The following SMIM31 variants were observed in gnomAD, a reference collection of about 807,000 sequenced individuals.
SMIM31 encodes human epithelial cell program regulator.
intron 2 of SMIM31, among the ~76,000 whole-genome samples, chr4:164,787,064 A>G (rs1478773754): frequency 6.6e-6 from 1 of 152,226 alleles, no homozygotes; most frequent in Non-Finnish European, 1.5e-5. Context: ...GAGAAGTGAC[A>G]TTAAGTCCTA....
At chr4:164,797,630 A>G (rs1363580220) in intron 2 of SMIM31, among the ~76,000 whole-genome samples, 1 of 151,858 alleles carries the variant, frequency 6.6e-6, no homozygotes, top group Non-Finnish European at 1.5e-5. Context: ...TGCCCGGCCA[A>G]TTTTTGTATT....
intron 1 of SMIM31, among the ~76,000 whole-genome samples, chr4:164,761,806 C>G (rs1732654019): frequency 6.6e-6 from 1 of 151,584 alleles, no homozygotes; most frequent in Admixed American, 6.6e-5. Context: ...TGCCTGTAAT[C>G]CCATCTACTC....
intron 2 of SMIM31, among the ~76,000 whole-genome samples, chr4:164,786,755 G>A (rs1157789765): frequency 6.6e-6 from 1 of 152,200 alleles, no homozygotes; most frequent in African/African-American, 2.4e-5. Flanking sequence ...CCCAAAGGAC[G>A]TTGTCACTGC....
At chr4:164,780,681 A>C (rs1356245451) in intron 2 of SMIM31, among the ~76,000 whole-genome samples, 2 of 152,240 alleles carry the variant, frequency 1.3e-5, no homozygotes, top group Admixed American at 1.3e-4. Flanking sequence ...TATTTTTGAA[A>C]TCTCAGAAAA....
intron 2 of SMIM31, among the ~76,000 whole-genome samples, chr4:164,778,457 G>T (rs1286738808): frequency 1.3e-5 from 2 of 152,070 alleles, no homozygotes; most frequent in East Asian, 3.8e-4. Context: ...CACATTTAGG[G>T]AGTTATATGT....
At chr4:164,769,483 C>A (rs868187427) in intron 1 of SMIM31, among the ~76,000 whole-genome samples, 28 of 150,718 alleles carry the variant, frequency 1.9e-4, no homozygotes, top group African/African-American at 6.6e-4. Context: ...TCTCAGCAAA[C>A]TATCGCAAGG....
At chr4:164,772,795 G>C (rs1360942938) in intron 2 of SMIM31, among the ~76,000 whole-genome samples, 2 of 151,180 alleles carry the variant, frequency 1.3e-5, no homozygotes, top group Non-Finnish European at 3.0e-5. Flanking sequence ...AGCCGGGATG[G>C]TCTCGATCTC....
intron 1 of SMIM31, among the ~76,000 whole-genome samples, chr4:164,759,570 T>A (rs1732618131): frequency 6.6e-6 from 1 of 152,186 alleles, no homozygotes; most frequent in Non-Finnish European, 1.5e-5. Context: ...AAACTCCCTA[T>A]CAAATTTATT....
intron 2 of SMIM31, among the ~76,000 whole-genome samples, chr4:164,794,367 A>C (rs1733159779): frequency 6.6e-6 from 1 of 151,898 alleles, no homozygotes; most frequent in African/African-American, 2.4e-5. Context: ...TGGGTGACAG[A>C]ATGAGACCCT....
chr4:164,788,879 A>G (rs1560831049), intron 2 of SMIM31, among the ~76,000 whole-genome samples: 2 of 152,208 alleles, frequency 1.3e-5, no homozygotes, highest in Non-Finnish European at 2.9e-5. Flanking sequence ...AACATTTTCA[A>G]ATGGCAATCT....
At chr4:164,787,757 G>T (rs951338857) in intron 2 of SMIM31, among the ~76,000 whole-genome samples, 1 of 151,994 alleles carries the variant, frequency 6.6e-6, no homozygotes, top group South Asian at 2.1e-4. Flanking sequence ...ACTCTCATGT[G>T]CCCAAGGATA....
chr4:164,772,667 C>T (rs1236775256), intron 2 of SMIM31, among the ~76,000 whole-genome samples: 6 of 151,148 alleles, frequency 4.0e-5, no homozygotes, highest in Non-Finnish European at 7.4e-5. Flanking sequence ...CAAGCTCCGC[C>T]TCCCGGGTTC....
intron 2 of SMIM31, among the ~76,000 whole-genome samples, chr4:164,782,601 G>GATC (rs1560829245): frequency 2.0e-5 from 3 of 146,890 alleles, no homozygotes; most frequent in Admixed American, 6.6e-5. Context: ...GGATGGTCTC[G>GATC]TGAGCCACTG....
chr4:164,772,923 G>A (rs190204154), intron 2 of SMIM31, among the ~76,000 whole-genome samples: 8 of 149,102 alleles, frequency 5.4e-5, no homozygotes, highest in African/African-American at 1.5e-4. Flanking sequence ...CAGCTAATAC[G>A]ACAGAGAGCC....
At chr4:164,781,500 T>G (rs865963059) in intron 2 of SMIM31, among the ~76,000 whole-genome samples, 73 of 152,172 alleles carry the variant, frequency 4.8e-4, no homozygotes, top group African/African-American at 1.7e-3. Context: ...ACAATATGAA[T>G]GAATCTCAAA....
intron 1 of SMIM31, among the ~76,000 whole-genome samples, chr4:164,768,270 G>T (rs1267313753): frequency 4.0e-5 from 6 of 150,650 alleles, no homozygotes; most frequent in Non-Finnish European, 5.9e-5. Flanking sequence ...AAAAGAGAAA[G>T]AAGAGAAAGA....
intron 2 of SMIM31, among the ~76,000 whole-genome samples, chr4:164,774,591 A>G (rs929758369): frequency 1.3e-5 from 2 of 152,212 alleles, no homozygotes; most frequent in Non-Finnish European, 2.9e-5. Context: ...ACAAGTAACA[A>G]GGAGAGTATT....
chr4:164,760,263 G>T (rs374181993), intron 1 of SMIM31, among the ~76,000 whole-genome samples: 11 of 152,138 alleles, frequency 7.2e-5, no homozygotes, highest in African/African-American at 2.7e-4. Flanking sequence ...GACTAGATAG[G>T]CAATGTAGTA....
chr4:164,790,800 A>T (rs1048095242), intron 2 of SMIM31, among the ~76,000 whole-genome samples: 1 of 152,192 alleles, frequency 6.6e-6, no homozygotes, highest in Non-Finnish European at 1.5e-5. Flanking sequence ...TGTAACTTTA[A>T]TGTAAGAAAC....
Sources: allele counts gnomAD v4.1 joint callset (sites outside exome capture counted in the v4.1 genomes callset), GRCh38; gene constraint gnomAD v4.1.1; transcripts MANE v1.5; gene names NCBI Gene and HGNC (gene_info 2026-07-23, HGNC 2026-07-21).